L2HGDH: variants seen among roughly 807,000 people sequenced by gnomAD.
L2HGDH encodes L-2-hydroxyglutarate dehydrogenase.
L2HGDH carries 34 observed loss-of-function variants against 51.5 expected under a neutral mutation model. The observed-to-expected ratio is 0.66, with a 90% CI of 0.50 to 0.88. L2HGDH has a LOEUF of 0.88. L2HGDH is among the 40% of genes least tolerant of loss of function. L2HGDH has a pLI of 0.00. For missense variants in L2HGDH, 558 were observed against 571.9 expected (o/e 0.98, Z 0.25); for synonymous variants, 198 against 197.9 (o/e 1.00, Z -0.01).
At position 50,242,597 on chromosome 14, in the gene L2HGDH, G is replaced by T. The variant is rs971007902; in HGVS notation, c.*4461C>A. ...CTGTTCTTCCCTTCAGGGCTTCAGG[G>T]TTTATTTCCATTCTTAAGCTATTTA... On this transcript the variant is annotated 3_prime_UTR_variant, in exon 10 of 10. Coordinates refer to ENST00000267436, the MANE Select transcript of L2HGDH (RefSeq NM_024884.3). The T allele has an allele frequency of 1.0e-6, 1 of 984,728 alleles. No homozygotes were observed. The highest frequency in any genetic ancestry group is 1.2e-6 in the Non-Finnish European group (1 of 829,454). 61.0% of individuals were successfully genotyped at this position (984,728 alleles called of 1,614,324 possible). A position where few individuals can be genotyped will look rare whatever the true frequency, so the allele number is the denominator to read the frequency against.
intron 9 of L2HGDH, among the ~76,000 whole-genome samples, chr14:50,255,439 G>A (rs1279057906): frequency 1.3e-5 from 2 of 151,244 alleles, no homozygotes; most frequent in Non-Finnish European, 2.9e-5. Context: ...GGGAGGCTGA[G>A]GCAGGAAAAT....
chr14:50,293,246 A>G (rs1477985129), intron 4 of L2HGDH: 3 of 702,358 alleles, frequency 4.3e-6, no homozygotes, highest in East Asian at 5.4e-5. Context: ...TGGGAAAATA[A>G]TGGTTTTTTG....
chr14:50,245,309 GTGTCAGGA>G lies in L2HGDH; in HGVS notation c.*1741_*1748del, dbSNP rs1887947540. ...TTTTAAATTGGAGTTCTATACATCA[GTGTCAGGA>G]TTCTAAAACTGCTCTCATAAAAATC... On this transcript the variant is annotated 3_prime_UTR_variant, in exon 10 of 10. Coordinates refer to ENST00000267436, the MANE Select transcript of L2HGDH (RefSeq NM_024884.3). 1.0e-6 allele frequency: 1 copy of G among 984,770 alleles called. No individual in the cohort carries two copies. The highest frequency in any genetic ancestry group is 1.2e-6 in the Non-Finnish European group (1 of 829,490). The allele number at this position is 984,770 out of a possible 1,614,324, so 61.0% of individuals were successfully genotyped here. A position where few individuals can be genotyped will look rare whatever the true frequency, so the allele number is the denominator to read the frequency against.
chr14:50,245,372 CCA>C lies in L2HGDH; in HGVS notation c.*1684_*1685del. On this transcript the variant is annotated 3_prime_UTR_variant, in exon 10 of 10. Coordinates refer to ENST00000267436, the MANE Select transcript of L2HGDH (RefSeq NM_024884.3). ...TCTTCTAAGTTATTTCAGTTCTCAG[CCA>C]CAGAGATTGAAGAACAGGACAACCA... The C allele has an allele frequency of 1.0e-6, 1 of 985,344 alleles. No homozygotes were observed. Among genetic ancestry groups the C allele is most frequent in the Non-Finnish European group, 1.2e-6 (1 of 829,910 alleles). The allele number at this position is 985,344 out of a possible 1,614,324, so 61.0% of individuals were successfully genotyped here.
intron 6 of L2HGDH, among the ~76,000 whole-genome samples, chr14:50,271,236 T>C (rs952919257): frequency 6.6e-6 from 1 of 152,236 alleles, no homozygotes; most frequent in African/African-American, 2.4e-5. Flanking sequence ...ATTTTTGTGA[T>C]ATAAATCATC....
chr14:50,312,059 G>A lies in L2HGDH; in HGVS notation c.92C>T (p.Ser31Phe), dbSNP rs544332178. The change falls in exon 1 of 10, where the codon TCT (serine) becomes TTT (phenylalanine). Residue 31 changes from serine (S) to phenylalanine (F), a missense_variant. Physicochemically the swap from Ser to Phe is radical, Grantham distance 155. Coordinates refer to ENST00000267436, the MANE Select transcript of L2HGDH (RefSeq NM_024884.3). Reference sequence around the variant, plus strand: ...TCCACACAGCGGTCTTGGCCTCCCAGACGCGAACCCGCACGCCCCAGGGGA... The same window carrying A: ...TCCACACAGCGGTCTTGGCCTCCCAAACGCGAACCCGCACGCCCCAGGGGA... ...GGSPGACGFASGRPRPLCGGS... is the reference protein window; with the variant it reads ...GGSPGACGFAFGRPRPLCGGS... 6.3e-7 allele frequency: 1 copy of A among 1,594,910 alleles called. No individual in the cohort carries two copies. The highest frequency in any genetic ancestry group is 1.1e-5 in the South Asian group (1 of 88,730).
intron 9 of L2HGDH, 23 bp from the exon 10 acceptor site, chr14:50,247,276 T>A (rs1454386160): frequency 6.2e-7 from 1 of 1,607,462 alleles, no homozygotes; most frequent in African/African-American, 1.3e-5. Context: ...AAGATGGGAG[T>A]CAGCTGACTC....
At chr14:50,255,523 C>A (rs1211959032) in intron 9 of L2HGDH, among the ~76,000 whole-genome samples, 3 of 110,092 alleles carry the variant, frequency 2.7e-5, no homozygotes, top group Non-Finnish European at 5.3e-5. Context: ...GCAACAAGAG[C>A]GAAACTCCAT....
rs768973870 is a variant in L2HGDH, at chr14:50,302,949, C to T, written c.209G>A (p.Arg70Gln). The change falls in exon 2 of 10, where the codon CGA becomes CAA. Residue 70 changes from arginine (R) to glutamine (Q), a missense_variant. Physicochemically the swap from Arg to Gln is conservative, Grantham distance 43. Around this residue, in one of 3 missense-constraint regions of L2HGDH, gnomAD observed 194 missense variants for 187.2 expected, o/e 1.04. Transcript: ENST00000267436. ...GLASARALILRHPSLSIGVLE... is the reference protein window; with the variant it reads ...GLASARALILQHPSLSIGVLE... ...AACACCAATAGAAAGTGATGGATGT[C>T]GCAGGATGAGTGCTCTGGCAGAGGC... 1.5e-5 allele frequency: 24 copies of T among 1,613,920 alleles called. No individual in the cohort carries two copies. Among genetic ancestry groups the T allele is most frequent in the Middle Eastern group, 1.7e-4 (1 of 6,060 alleles).
At chr14:50,264,063 C>T (rs1156378659) in intron 9 of L2HGDH, among the ~76,000 whole-genome samples, 7 of 151,120 alleles carry the variant, frequency 4.6e-5, no homozygotes, top group South Asian at 2.1e-4. Context: ...TGTGAGCCGC[C>T]GTGCCAGTCT....
intron 1 of L2HGDH, chr14:50,311,440 A>T (rs1473908693): frequency 4.4e-6 from 2 of 455,898 alleles, no homozygotes; most frequent in East Asian, 1.4e-4. Flanking sequence ...TCTTCTACAG[A>T]GGACAGAGAA....
At position 50,245,749 on chromosome 14, in the gene L2HGDH, T is replaced by C; in HGVS notation, c.*1309A>G. ...TTGATTTAAGGAAATAATCTATTTTTATGCCATCTTTCTCCAAAACTCTTA... is the reference window on the plus strand; with the variant it reads ...TTGATTTAAGGAAATAATCTATTTTCATGCCATCTTTCTCCAAAACTCTTA... On this transcript the variant is annotated 3_prime_UTR_variant, in exon 10 of 10. Transcript: ENST00000267436. 1.0e-6 allele frequency: 1 copy of C among 985,396 alleles called. No individual in the cohort carries two copies. Among genetic ancestry groups the C allele is most frequent in the Non-Finnish European group, 1.2e-6 (1 of 829,890 alleles). The allele number at this position is 985,396 out of a possible 1,614,324, so 61.0% of individuals were successfully genotyped here. A position where few individuals can be genotyped will look rare whatever the true frequency, so the allele number is the denominator to read the frequency against.
chr14:50,262,344 C>T (rs893239593), intron 9 of L2HGDH, among the ~76,000 whole-genome samples: 12 of 151,020 alleles, frequency 7.9e-5, no homozygotes, highest in Non-Finnish European at 2.9e-5. Context: ...GCAGGAGAAT[C>T]GCCTGAACCA....
chr14:50,260,989 C>T (rs1168531361), intron 9 of L2HGDH, among the ~76,000 whole-genome samples: 4 of 151,980 alleles, frequency 2.6e-5, no homozygotes, highest in Non-Finnish European at 5.9e-5. Flanking sequence ...TGGTGGCAGG[C>T]GCCTGTAATC....
At chr14:50,272,082 A>C (rs1002268937) in intron 6 of L2HGDH, among the ~76,000 whole-genome samples, 1 of 152,240 alleles carries the variant, frequency 6.6e-6, no homozygotes, top group African/African-American at 2.4e-5. Context: ...CAGAGGTTAC[A>C]GTGAGCCAAG....
intron 3 of L2HGDH, among the ~76,000 whole-genome samples, chr14:50,297,409 T>G (rs1477310938): frequency 6.6e-6 from 1 of 151,586 alleles, no homozygotes; most frequent in Admixed American, 6.6e-5. Flanking sequence ...TAGAACAAAA[T>G]GAGTTCAGAA....
chr14:50,290,968 G>C (rs906613508), intron 4 of L2HGDH, among the ~76,000 whole-genome samples: 2 of 152,056 alleles, frequency 1.3e-5, no homozygotes, highest in African/African-American at 4.8e-5. Flanking sequence ...GGGAGGCCGA[G>C]GTGGGCGGAT....
chr14:50,262,476 T>G (rs996533970), intron 9 of L2HGDH, among the ~76,000 whole-genome samples: 7 of 151,428 alleles, frequency 4.6e-5, no homozygotes, highest in African/African-American at 1.5e-4. Flanking sequence ...TTATTTAATA[T>G]TTCAGGCTAT....
intron 6 of L2HGDH, among the ~76,000 whole-genome samples, chr14:50,274,251 C>G (rs1282621354): frequency 2.9e-5 from 4 of 136,760 alleles, no homozygotes; most frequent in African/African-American, 8.0e-5. Flanking sequence ...TGGACTTCAG[C>G]CTGGGTGACA....
Sources: gnomAD v4.1 joint callset for allele counts (sites outside exome capture counted in the v4.1 genomes callset) on GRCh38, gnomAD v4.1.1 for gene constraint, gnomAD v4.1.1 regional missense constraint, MANE v1.5 for transcripts, NCBI Gene and HGNC (gene_info 2026-07-23, HGNC 2026-07-21) for gene names.